Variants in RGS3 observed in about 807,000 individuals in gnomAD.
RGS3 encodes the protein regulator of G protein signaling 3.
RGS3 carries 80 observed loss-of-function variants against 132.6 expected under a neutral mutation model. The ratio of observed to expected loss-of-function variants is 0.60; its 90% CI spans 0.50 to 0.73. The LOEUF (loss-of-function observed/expected upper bound fraction) is 0.73. Among genes scored for constraint, RGS3 ranks in the 30% least tolerant of loss-of-function variants. The pLI is 0.00. For missense variants in RGS3, 1,382 were observed against 1,530.8 expected (o/e 0.90, Z 1.62); for synonymous variants, 598 against 620.6 (o/e 0.96, Z 0.54).
intron 19 of RGS3, among the ~76,000 whole-genome samples, chr9:113,578,729 C>T (rs1834650153): frequency 1.3e-5 from 2 of 152,298 alleles, no homozygotes; most frequent in South Asian, 2.1e-4. Context: ...GGATCCAGAG[C>T]ATGCCAAGCT....
At chr9:113,584,001 C>T in exon 20 of RGS3, 1 of 1,614,122 alleles carries the variant, frequency 6.2e-7, no homozygotes, top group South Asian at 1.1e-5. Flanking sequence ...GGCTGGATAG[C>T]ACCTACAGCC....
intron 1 of RGS3, among the ~76,000 whole-genome samples, chr9:113,445,627 G>A (rs1052312825): frequency 1.3e-5 from 2 of 152,180 alleles, no homozygotes; most frequent in Non-Finnish European, 2.9e-5. Context: ...GCTGGACTTT[G>A]ATTTGGTATT....
chr9:113,461,878 C>T, intron 2 of RGS3: 1 of 1,608,104 alleles, frequency 6.2e-7, no homozygotes, highest in Non-Finnish European at 8.5e-7. Flanking sequence ...TCATCTCAGG[C>T]ACATCACCTT....
intron 7 of RGS3, among the ~76,000 whole-genome samples, chr9:113,490,281 T>A (rs1830466163): frequency 6.6e-6 from 1 of 152,092 alleles, no homozygotes; most frequent in South Asian, 2.1e-4. Flanking sequence ...TTTCATCAAT[T>A]ATCAATATAT....
rs1414598134 is a variant in RGS3, at chr9:113,532,110, C to G, written c.1914+2846C>G. 2.0e-5 allele frequency among the ~76,000 whole-genome samples: 3 copies of G among 152,156 alleles called. No individual in the cohort carries two copies. The East Asian group carries it at 5.8e-4, about 29-fold the overall frequency. ...AAGGTCTGTGCTTGGCTGACCACCC[C>G]ATAGTCAGGAGGCACCGTCTGAGTG... On this transcript the variant is annotated intron_variant, in intron 18 of 24. Coordinates refer to ENST00000350696, the Ensembl canonical transcript of RGS3.
At chr9:113,561,516 G>T (rs941279207) in intron 19 of RGS3, among the ~76,000 whole-genome samples, 1 of 150,688 alleles carries the variant, frequency 6.6e-6, no homozygotes, top group Non-Finnish European at 1.5e-5. Flanking sequence ...GGGCTCAAGC[G>T]ATCCTCCCAC....
At chr9:113,583,481 AGATGGCCTTGGAGGAAGG>A in exon 20 of RGS3, 5 of 1,614,188 alleles carry the variant, frequency 3.1e-6, no homozygotes, top group Non-Finnish European at 4.2e-6. Context: ...GAGAAGAGGG[AGATGGCCTTGGAGGAAGG>A]GAAGGGGCCT....
chr9:113,487,401 G>A (rs1588152254), intron 7 of RGS3, among the ~76,000 whole-genome samples: 1 of 152,178 alleles, frequency 6.6e-6, no homozygotes, highest in South Asian at 2.1e-4. Flanking sequence ...GTGAGCCACC[G>A]CGCCCGGCCT....
At chr9:113,554,763 T>C (rs1047642741) in intron 19 of RGS3, among the ~76,000 whole-genome samples, 4 of 152,224 alleles carry the variant, frequency 2.6e-5, no homozygotes, top group African/African-American at 9.6e-5. Flanking sequence ...TTATAATTAT[T>C]TTTCTAGTTT....
intron 23 of RGS3, 138 bp downstream of exon 21, chr9:113,595,118 G>C (rs1835695003): frequency 2.5e-6 from 2 of 813,444 alleles, no homozygotes; most frequent in South Asian, 3.3e-5. Context: ...TGTTGCGGAG[G>C]GGCTGAGCCC....
chr9:113,580,834 C>A, intron 19 of RGS3: 1 of 985,698 alleles, frequency 1.0e-6, no homozygotes, highest in Non-Finnish European at 1.2e-6. Context: ...AAGGGGTGGG[C>A]GGGCTCTGAC....
At chr9:113,493,806 G>C (rs1394080782) in intron 7 of RGS3, among the ~76,000 whole-genome samples, 1 of 152,146 alleles carries the variant, frequency 6.6e-6, no homozygotes, top group African/African-American at 2.4e-5. Flanking sequence ...ATATACCTCA[G>C]ACAGGCTGTT....
chr9:113,447,319 GTATGTATATGTATATATATATATATA>G (rs1233823064), intron 1 of RGS3, among the ~76,000 whole-genome samples: 4 of 21,886 alleles, frequency 1.8e-4, no homozygotes, highest in African/African-American at 2.4e-4. Flanking sequence ...AAATTCTGAT[GTATGTATATGTATATATATATATATA>G]TATATATATA....
At chr9:113,498,921 G>GAAA (rs755573432) in intron 10 of RGS3, among the ~76,000 whole-genome samples, 4 of 47,352 alleles carry the variant, frequency 8.4e-5, no homozygotes, top group Non-Finnish European at 8.6e-5. Flanking sequence ...TGTCTCAATT[G>GAAA]AAAAAAAAAA....
At chr9:113,480,458 CAAA>C (rs755925249) in intron 4 of RGS3, among the ~76,000 whole-genome samples, 3 of 65,882 alleles carry the variant, frequency 4.6e-5, no homozygotes, top group Non-Finnish European at 2.9e-5. Flanking sequence ...GACTCCGTCT[CAAA>C]AAAAAAAAAA....
intron 7 of RGS3, among the ~76,000 whole-genome samples, chr9:113,491,643 C>G (rs1240612380): frequency 6.6e-6 from 1 of 151,868 alleles, no homozygotes; most frequent in Non-Finnish European, 1.5e-5. Flanking sequence ...AAACCTCCAC[C>G]TCCTGGATTC....
chr9:113,566,674 T>A (rs900096400), intron 19 of RGS3, among the ~76,000 whole-genome samples: 26 of 152,226 alleles, frequency 1.7e-4, no homozygotes, highest in African/African-American at 6.0e-4. Context: ...CTGACCTTCC[T>A]GACCTGAGAG....
intron 4 of RGS3, among the ~76,000 whole-genome samples, chr9:113,481,108 C>T (rs1830145415): frequency 6.6e-6 from 1 of 152,340 alleles, no homozygotes; most frequent in South Asian, 2.1e-4. Context: ...TCTGATTTTG[C>T]AAGAAATATG....
chr9:113,499,063 C>A (rs1420815625), intron 10 of RGS3, among the ~76,000 whole-genome samples: 1 of 150,880 alleles, frequency 6.6e-6, no homozygotes, highest in Non-Finnish European at 1.5e-5. Flanking sequence ...CATGTCTCTA[C>A]TAAAAATACA....
Sources: allele counts gnomAD v4.1 joint callset (sites outside exome capture counted in the v4.1 genomes callset), GRCh38; gene constraint gnomAD v4.1.1; transcripts MANE v1.5; gene names NCBI Gene and HGNC (gene_info 2026-07-23, HGNC 2026-07-21).